DMD: variants seen among roughly 807,000 people sequenced by gnomAD.
The protein encoded by DMD is mutant dystrophin.
Under a neutral mutation model 330.1 loss-of-function variants are expected in DMD, and 63 were observed. The ratio of observed to expected loss-of-function variants is 0.19; its 90% confidence interval spans 0.16 to 0.24. The LOEUF (loss-of-function observed/expected upper bound fraction) is 0.24, where lower values mean the gene tolerates loss of function less well. DMD is among the 10% of genes least tolerant of loss of function. The pLI, the probability that DMD is intolerant of heterozygous loss-of-function variation, is 1.00. For missense variants in DMD, 3,344 were observed against 2,684.1 expected (o/e 1.25, Z -5.43); for synonymous variants, 1,223 against 959.8 (o/e 1.27, Z -5.07).
chrX:31,741,093 T>C (rs2087299405), intron 51 of DMD, among the ~76,000 whole-genome samples: 1 of 112,087 alleles, frequency 8.9e-6, no homozygotes, highest in African/African-American at 3.2e-5. Context: ...AAGTTTTACC[T>C]TGAGATTACA....
intron 64 of DMD, among the ~76,000 whole-genome samples, chrX:31,222,153 G>A (rs1265241229): frequency 4.6e-5 from 5 of 109,261 alleles, no homozygotes; most frequent in African/African-American, 1.0e-4. Flanking sequence ...CCTAGAACGC[G>A]CCACTGCACT....
chrX:31,565,887 A>G (rs1392681501), intron 55 of DMD, among the ~76,000 whole-genome samples: 2 of 111,991 alleles, frequency 1.8e-5, no homozygotes, highest in Non-Finnish European at 3.8e-5. Context: ...CTTTTCATGC[A>G]CCTATTTGCT....
intron 17 of DMD, among the ~76,000 whole-genome samples, chrX:32,543,538 A>G (rs1237025400): frequency 8.9e-6 from 1 of 112,130 alleles, no homozygotes; most frequent in Non-Finnish European, 1.9e-5. Context: ...AAGTATCCAT[A>G]AATCTGTATG....
intron 64 of DMD, among the ~76,000 whole-genome samples, chrX:31,222,814 A>G (rs1390596275): frequency 1.8e-5 from 2 of 112,382 alleles, no homozygotes; most frequent in Non-Finnish European, 1.9e-5. Context: ...AAAATTCTCA[A>G]TATCTTAATT....
intron 55 of DMD, among the ~76,000 whole-genome samples, chrX:31,510,506 CTTTTTTTTTTT>C (rs756448666): frequency 1.2e-5 from 1 of 84,540 alleles, no homozygotes; most frequent in Non-Finnish European, 2.2e-5. Context: ...TCTGACTGCT[CTTTTTTTTTTT>C]TTTTTTTTGA....
At chrX:31,988,133 T>C (rs2095522269) in intron 44 of DMD, among the ~76,000 whole-genome samples, 1 of 110,926 alleles carries the variant, frequency 9.0e-6, no homozygotes, top group South Asian at 3.8e-4. Context: ...TTGAGTAGAA[T>C]GGCAACAAGG....
At chrX:32,053,833 C>G (rs181760683) in intron 44 of DMD, among the ~76,000 whole-genome samples, 6 of 111,127 alleles carry the variant, frequency 5.4e-5, no homozygotes, top group Non-Finnish European at 1.1e-4. Flanking sequence ...TAAAATAGTT[C>G]TTTAAATCTT....
intron 53 of DMD, among the ~76,000 whole-genome samples, chrX:31,676,788 A>C (rs2082103723): frequency 8.9e-6 from 1 of 112,494 alleles, no homozygotes; most frequent in Non-Finnish European, 1.9e-5. Context: ...GAAATAAACC[A>C]ATATATATAA....
rs755147980 is a variant in DMD at position 31,957,112 on chromosome X, C to T, written c.6614+11227G>A. Among the ~76,000 whole-genome samples, 3 of 111,455 alleles carry T rather than the reference C, an allele frequency of 2.7e-5. No individual in the cohort carries two copies. The East Asian group carries it at 8.5e-4, about 32-fold the overall frequency. ...GTGGGAGGCTAAGATGAGTGGATCGCTTGAGTCCAAGAGTTCGAGATCCAA... is the reference window on the plus strand; with the variant it reads ...GTGGGAGGCTAAGATGAGTGGATCGTTTGAGTCCAAGAGTTCGAGATCCAA... On this transcript the variant is annotated intron_variant, in intron 45 of 78. Coordinates refer to ENST00000357033, the MANE Select transcript of DMD (RefSeq NM_004006.3).
At chrX:32,665,275 G>A (rs1038517372) in intron 9 of DMD, among the ~76,000 whole-genome samples, 1 of 111,074 alleles carries the variant, frequency 9.0e-6, no homozygotes, top group African/African-American at 3.3e-5. Flanking sequence ...TTAAGAATAT[G>A]GGCTGTGGAA....
At chrX:32,390,354 G>C (rs1016262318) in intron 30 of DMD, among the ~76,000 whole-genome samples, 173 bp from the exon 31 acceptor site, 1 of 111,375 alleles carries the variant, frequency 9.0e-6, no homozygotes. Context: ...CACTTTGGGA[G>C]GTCGAGGCAG....
Position 31,146,317 on chromosome X carries a change from A to C in DMD, c.10895T>G (p.Val3632Gly). 1 of 1,211,254 alleles carries C rather than the reference A, an allele frequency of 8.3e-7. No individual in the cohort carries two copies. The highest frequency in any genetic ancestry group is 1.1e-6 in the Non-Finnish European group (1 of 895,240). ...CATGGAGTCCGAAGTTTGACTGCCA[A>C]CCACTCGGAGCAGCATAGGCTGACT... is the stretch of plus-strand genomic sequence containing the variant. ...DSSQPMLLRV[V>G]GSQTSDSMGE... The change falls in exon 76 of 79, where the codon GTT becomes GGT. Residue 3632 changes from valine (V) to glycine (G), a missense_variant. Coordinates refer to ENST00000357033, the MANE Select transcript of DMD (RefSeq NM_004006.3).
intron 74 of DMD, among the ~76,000 whole-genome samples, chrX:31,154,488 G>A (rs1169309587): frequency 9.3e-6 from 1 of 107,104 alleles, no homozygotes; most frequent in Non-Finnish European, 1.9e-5. Flanking sequence ...TAGAGACAGG[G>A]TTTCACCGTG....
intron 1 of DMD, among the ~76,000 whole-genome samples, chrX:33,259,925 T>A (rs1363752241): frequency 9.0e-6 from 1 of 110,867 alleles, no homozygotes; most frequent in Non-Finnish European, 1.9e-5. Context: ...CTGAATAATA[T>A]TCTATTGGCT....
intron 6 of DMD, among the ~76,000 whole-genome samples, chrX:32,810,977 C>G (rs1253302332): frequency 9.1e-6 from 1 of 110,273 alleles, no homozygotes; most frequent in Non-Finnish European, 1.9e-5. Flanking sequence ...CCTTTACTTC[C>G]ATTGGGTCTT....
intron 29 of DMD, among the ~76,000 whole-genome samples, chrX:32,420,374 G>A (rs1322796294): frequency 8.9e-6 from 1 of 111,758 alleles, no homozygotes; most frequent in African/African-American, 3.3e-5. Context: ...TCCAAATCTG[G>A]GGATAAAATC....
intron 16 of DMD, among the ~76,000 whole-genome samples, chrX:32,553,590 AATATT>A (rs10560430): frequency 0.047 from 5,221 of 112,034 alleles, 148 homozygotes; most frequent in Non-Finnish European, 0.072. Context: ...ATAGTATAAT[AATATT>A]ATGAGACCAC....
At chrX:32,504,061 G>T (rs1053181746) in intron 18 of DMD, among the ~76,000 whole-genome samples, 1 of 111,326 alleles carries the variant, frequency 9.0e-6, no homozygotes, top group African/African-American at 3.3e-5. Context: ...TTTGGCAAAG[G>T]AACCAAGGCA....
intron 54 of DMD, among the ~76,000 whole-genome samples, chrX:31,655,250 T>C (rs1009534098): frequency 3.6e-5 from 4 of 111,209 alleles, no homozygotes; most frequent in Non-Finnish European, 5.7e-5. Flanking sequence ...AAAGATGATC[T>C]AGAGCAGGAC....
Sources: gnomAD v4.1 joint callset for allele counts (sites outside exome capture counted in the v4.1 genomes callset) on GRCh38, gnomAD v4.1.1 for gene constraint, MANE v1.5 for transcripts, NCBI Gene and HGNC (gene_info 2026-07-23, HGNC 2026-07-21) for gene names.